Variants in FAP observed in about 807,000 individuals in gnomAD.
FAP encodes prolyl endopeptidase FAP.
In FAP, 110 loss-of-function variants were observed where a neutral mutation model predicts 126.5. That is an observed-to-expected ratio of 0.87 (90% CI 0.74 to 1.02). FAP has a LOEUF of 1.02. FAP is among the 50% of genes least tolerant of loss of function. The probability of loss-of-function intolerance (pLI) is 0.00; values close to 1 mark genes in which losing one functional copy is unlikely to be tolerated. For synonymous variants in FAP, 334 were observed against 297.3 expected, an observed-to-expected ratio of 1.12 and a Z score of -1.27; for missense variants, 919 against 909.2, an observed-to-expected ratio of 1.01 and a Z score of -0.14.
chr2:162,182,927 G>A (rs951534128), intron 21 of FAP, among the ~76,000 whole-genome samples: 6 of 151,894 alleles, frequency 4.0e-5, no homozygotes, highest in Non-Finnish European at 7.4e-5. Context: ...ACGAACATTC[G>A]GTCTACTAAA....
chr2:162,220,200 G>C (rs971367821), intron 6 of FAP, among the ~76,000 whole-genome samples: 4 of 152,190 alleles, frequency 2.6e-5, no homozygotes, highest in African/African-American at 9.6e-5. Context: ...CTTACAGACT[G>C]TCAAAGTGGA....
At chr2:162,225,999 A>T (rs1441090242) in intron 3 of FAP, among the ~76,000 whole-genome samples, 1 of 152,176 alleles carries the variant, frequency 6.6e-6, no homozygotes, top group African/African-American at 2.4e-5. Flanking sequence ...CATTTTGTTC[A>T]GTGACACTTA....
At chr2:162,226,489 A>G (rs138869003) in intron 3 of FAP, 34 bp downstream of exon 3, 2 of 1,159,966 alleles carry the variant, frequency 1.7e-6, no homozygotes, top group East Asian at 4.9e-5. Flanking sequence ...CAAAATACAT[A>G]AAAAAAACCC....
intron 16 of FAP, chr2:162,198,399 G>T (rs751828442): frequency 1.2e-4 from 149 of 1,233,294 alleles, no homozygotes; most frequent in Non-Finnish European, 1.5e-4. Context: ...CTCAGGTCTT[G>T]CGAAGCCTAG....
chr2:162,200,560 A>C lies in FAP; in HGVS notation c.1277+6T>G. Reference sequence around the variant, plus strand: ...AGAAATACCAGAATGAATGGACATAAATTACCTGTAGATGTTTCTTCTTCC... The same window carrying C: ...AGAAATACCAGAATGAATGGACATACATTACCTGTAGATGTTTCTTCTTCC... On this transcript the variant is annotated splice_donor_region_variant and intron_variant, in intron 15 of 25. Transcript: ENST00000188790. 1 of 1,467,524 alleles carries C rather than the reference A, an allele frequency of 6.8e-7. No individual in the cohort carries two copies. The highest frequency in any genetic ancestry group is 9.4e-7 in the Non-Finnish European group (1 of 1,063,870). The allele number at this position is 1,467,524 out of a possible 1,614,324, so 90.9% of individuals were successfully genotyped here.
intron 21 of FAP, chr2:162,176,404 C>A (rs1221125123): frequency 6.6e-6 from 1 of 152,086 alleles, no homozygotes; most frequent in East Asian, 1.9e-4. Flanking sequence ...TGTACCATGG[C>A]CTCTTTTTAT....
At chr2:162,238,215 G>T (rs770146554) in intron 2 of FAP, among the ~76,000 whole-genome samples, 1 of 152,000 alleles carries the variant, frequency 6.6e-6, no homozygotes, top group Non-Finnish European at 1.5e-5. Context: ...GATCCCATTT[G>T]TCAATTATTG....
chr2:162,174,905 C>T lies in FAP; in HGVS notation c.1931G>A (p.Gly644Asp). 6.2e-7 allele frequency: 1 copy of T among 1,612,754 alleles called. No individual in the cohort carries two copies. The highest frequency in any genetic ancestry group is 1.7e-5 in the Admixed American group (1 of 59,936). ...GCTGGAGACTGGAGCCACTGCTATA[C>T]CACATTTGAAAAGACCAGTTCCAGA... is the stretch of plus-strand genomic sequence containing the variant. ...LASGTGLFKC[G>D]IAVAPVSSWE... is the part of the protein sequence containing the mutation. Residue 644 changes from glycine (G) to aspartate (D), a missense_variant, in exon 22 of 26, where the codon GGT (glycine) becomes GAT (aspartate). Coordinates refer to ENST00000188790, the MANE Select transcript of FAP (RefSeq NM_004460.5).
At chr2:162,180,829 A>G (rs984515618) in intron 21 of FAP, among the ~76,000 whole-genome samples, 3 of 152,182 alleles carry the variant, frequency 2.0e-5, no homozygotes, top group African/African-American at 7.2e-5. Flanking sequence ...ATCAGCAGGC[A>G]TTTGAAACAT....
At chr2:162,193,888 G>A (rs1176083964) in intron 17 of FAP, 2 of 152,118 alleles carry the variant, frequency 1.3e-5, no homozygotes, top group Admixed American at 6.6e-5. Flanking sequence ...TCGCAGGCAT[G>A]AGTGCTGAAG....
rs2106283173 is a variant in FAP, at chr2:162,223,610, A to G, written c.411T>C (p.Asn137=). The change falls in exon 6 of 26, where the codon AAT becomes AAC. Residue 137 remains asparagine (N), a splice_region_variant and synonymous_variant. Transcript: ENST00000188790. The part of the protein sequence containing the change: ...TATYYIYDLS[N]GEFVRGNELP... Reference sequence around the variant, plus strand: ...ATTAATAAACAGAGGTGATTTACCCATTGCTAAGGTCATAGATGTAATATG... The same window carrying G: ...ATTAATAAACAGAGGTGATTTACCCGTTGCTAAGGTCATAGATGTAATATG... 3 of 1,588,800 alleles carry G rather than the reference A, an allele frequency of 1.9e-6. No homozygotes were observed. In the East Asian group the frequency reaches 6.7e-5, roughly 36 times the overall value.
At chr2:162,192,481 T>C (rs1302261762) in intron 17 of FAP, among the ~76,000 whole-genome samples, 2 of 152,072 alleles carry the variant, frequency 1.3e-5, no homozygotes, top group African/African-American at 4.8e-5. Flanking sequence ...CTTCCATTTC[T>C]CAAGTGTTGA....
At chr2:162,180,021 C>A (rs1466705170) in intron 21 of FAP, among the ~76,000 whole-genome samples, 1 of 151,774 alleles carries the variant, frequency 6.6e-6, no homozygotes. Context: ...GTTGGTCAGG[C>A]TGGTCTCGAA....
intron 11 of FAP, among the ~76,000 whole-genome samples, 186 bp from the exon 12 acceptor site, chr2:162,210,182 T>C (rs1203122069): frequency 1.3e-5 from 2 of 152,194 alleles, no homozygotes; most frequent in Non-Finnish European, 2.9e-5. Flanking sequence ...TGTATATACA[T>C]GGGTAATTTT....
At chr2:162,241,185 C>T (rs1690330647) in intron 2 of FAP, among the ~76,000 whole-genome samples, 1 of 152,102 alleles carries the variant, frequency 6.6e-6, no homozygotes, top group Non-Finnish European at 1.5e-5. Flanking sequence ...TCACTGAGTA[C>T]TTGAGTTTAA....
intron 2 of FAP, among the ~76,000 whole-genome samples, chr2:162,236,291 A>G (rs1690126652): frequency 6.6e-6 from 1 of 152,160 alleles, no homozygotes; most frequent in Non-Finnish European, 1.5e-5. Flanking sequence ...TGGTTTTGGC[A>G]TTATAGTAAT....
At chr2:162,213,531 C>A (rs1689044997) in intron 11 of FAP, among the ~76,000 whole-genome samples, 1 of 150,214 alleles carries the variant, frequency 6.7e-6, no homozygotes, top group South Asian at 2.1e-4. Context: ...ATTTGCATTT[C>A]TTCTCTGGTT....
rs1199031343 is a variant in FAP at position 162,181,238 on chromosome 2, C to T, written c.1869+2176G>A. On this transcript the variant is annotated intron_variant, in intron 21 of 25. Coordinates refer to ENST00000188790, the MANE Select transcript of FAP (RefSeq NM_004460.5). ...GTTGCAGTGAGCCGAGATCGTACCA[C>T]TGCACTCCAGCCTGGGCAACAGAGA... 1.4e-3 allele frequency among the ~76,000 whole-genome samples: 208 copies of T among 151,946 alleles called. 2 individuals carry two copies. The highest frequency in any genetic ancestry group is 7.4e-5 in the Non-Finnish European group (5 of 67,952).
intron 25 of FAP, chr2:162,171,580 A>C (rs1051376622): frequency 6.5e-6 from 1 of 154,200 alleles, no homozygotes; most frequent in Admixed American, 6.3e-5. Flanking sequence ...TAGGAGTTAA[A>C]AATAGCATTT....
Sources: allele counts gnomAD v4.1 joint callset (sites outside exome capture counted in the v4.1 genomes callset), GRCh38; gene constraint gnomAD v4.1.1; transcripts MANE v1.5; gene names NCBI Gene and HGNC (gene_info 2026-07-23, HGNC 2026-07-21).